MAST2: variants seen among roughly 807,000 people sequenced by gnomAD.
MAST2 encodes the protein microtubule associated serine/threonine kinase 2.
Under a neutral mutation model 147.4 loss-of-function variants are expected in MAST2, and 70 were observed. The ratio of observed to expected loss-of-function variants is 0.47; its 90% CI spans 0.39 to 0.58. The LOEUF is 0.58. MAST2 is among the 20% of genes least tolerant of loss of function. The pLI is 0.00. For synonymous variants in MAST2, 869 were observed against 896.8 expected (o/e 0.97, Z 0.55); for missense variants, 2,080 against 2,302.3 (o/e 0.90, Z 1.98).
intron 5 of MAST2, among the ~76,000 whole-genome samples, chr1:45,975,374 G>A (rs1445833570): frequency 6.6e-6 from 1 of 151,760 alleles, no homozygotes; most frequent in Non-Finnish European, 1.5e-5. Flanking sequence ...CAGCATTATA[G>A]TTGCCTGGAT....
In MAST2 at chr1:46,033,890, A is replaced by G. The variant is rs1031649120; in HGVS notation, c.3626A>G (p.Lys1209Arg). ...GPARKGSYKA[K>R]MARRSKRSRG... is the part of the protein sequence containing the mutation. ...GCTCGGAAGGGCAGCTACAAGGCCA[A>G]GATGGCCCGAAGGAGCAAGAGGAGC... The change falls in exon 27 of 29, where the codon AAG becomes AGG. Residue 1209 changes from lysine to arginine, a missense_variant. Lys to Arg is a conservative substitution (Grantham distance 26, BLOSUM62 2). This residue lies in a region of MAST2 where 1,278 missense variants were observed against 1,304.2 expected (regional missense o/e 0.98). Transcript: ENST00000361297. 2.5e-6 allele frequency: 4 copies of G among 1,614,106 alleles called. No individual in the cohort carries two copies. In the African/African-American group the frequency reaches 4.0e-5, roughly 16 times the overall value.
rs1026392016 is a variant in MAST2, at chr1:45,889,203, T to G, written c.500+6808T>G. Among the ~76,000 whole-genome samples the G allele has an allele frequency of 5.9e-5, 9 of 152,270 alleles. No homozygotes were observed. The East Asian group carries it at 1.5e-3, about 26-fold the overall frequency. ...TTTTTTGGTGAAATTTTTTTTTTTTTGAAACAGAATCTCACTTTGTCACCC... is the reference window on the plus strand; with the variant it reads ...TTTTTTGGTGAAATTTTTTTTTTTTGGAAACAGAATCTCACTTTGTCACCC... On this transcript the variant is annotated intron_variant, in intron 4 of 28. Coordinates refer to ENST00000361297, the MANE Select transcript of MAST2 (RefSeq NM_015112.3).
At chr1:45,999,921 C>T (rs1405350831) in intron 6 of MAST2, among the ~76,000 whole-genome samples, 1 of 152,112 alleles carries the variant, frequency 6.6e-6, no homozygotes, top group Non-Finnish European at 1.5e-5. Flanking sequence ...TGTGTCCTGG[C>T]GGGAAGACAA....
At chr1:45,981,790 T>C (rs1558000006) in intron 5 of MAST2, among the ~76,000 whole-genome samples, 1 of 152,124 alleles carries the variant, frequency 6.6e-6, no homozygotes, top group Non-Finnish European at 1.5e-5. Flanking sequence ...GCAAAGGCAG[T>C]TTCAAAATTA....
intron 5 of MAST2, among the ~76,000 whole-genome samples, chr1:45,970,352 A>G (rs111752300): frequency 2.6e-5 from 4 of 152,010 alleles, no homozygotes; most frequent in East Asian, 1.9e-4. Flanking sequence ...ACTGGTTGCT[A>G]TGGAGGTTTC....
chr1:45,965,067 C>T (rs2148947272), intron 5 of MAST2, among the ~76,000 whole-genome samples: 1 of 152,256 alleles, frequency 6.6e-6, no homozygotes, highest in Non-Finnish European at 1.5e-5. Context: ...AGTTTGATTG[C>T]ACTGTGGTGT....
intron 5 of MAST2, among the ~76,000 whole-genome samples, chr1:45,989,012 G>T (rs1184716617): frequency 6.6e-6 from 1 of 152,136 alleles, no homozygotes; most frequent in Non-Finnish European, 1.5e-5. Context: ...AGGAATGCTT[G>T]TTTCTACTGG....
At chr1:45,830,384 A>G (rs1372308467) in intron 3 of MAST2, among the ~76,000 whole-genome samples, 1 of 151,796 alleles carries the variant, frequency 6.6e-6, no homozygotes, top group Non-Finnish European at 1.5e-5. Context: ...CACGTTGGCC[A>G]GGCTGGTCTT....
intron 1 of MAST2, among the ~76,000 whole-genome samples, chr1:45,814,808 A>G (rs560919590): frequency 3.3e-5 from 5 of 152,142 alleles, no homozygotes; most frequent in Non-Finnish European, 7.4e-5. Context: ...AGAAAAAGCT[A>G]TCTTGACCTT....
At chr1:46,030,375 G>C in intron 21 of MAST2, 137 bp downstream of exon 21, 1 of 918,686 alleles carries the variant, frequency 1.1e-6, no homozygotes, top group Admixed American at 2.4e-5. Flanking sequence ...CTAAGGGTTG[G>C]GGCTACATAT....
chr1:45,997,837 G>A (rs1243513630), intron 6 of MAST2, 38 bp downstream of exon 6: 1 of 1,536,650 alleles, frequency 6.5e-7, no homozygotes, highest in Admixed American at 1.7e-5. Flanking sequence ...ACCAGCACAT[G>A]TGGCACTTGC....
At chr1:45,854,442 T>C (rs1371564501) in intron 3 of MAST2, among the ~76,000 whole-genome samples, 1 of 152,188 alleles carries the variant, frequency 6.6e-6, no homozygotes, top group Non-Finnish European at 1.5e-5. Context: ...CCACAATGTT[T>C]TGATTACTGC....
intron 4 of MAST2, among the ~76,000 whole-genome samples, chr1:45,887,787 A>G (rs1647160487): frequency 6.6e-6 from 1 of 152,130 alleles, no homozygotes; most frequent in African/African-American, 2.4e-5. Flanking sequence ...AAATCAGGAA[A>G]TTTTGCAATC....
chr1:45,825,315 G>A (rs868621661), intron 2 of MAST2, among the ~76,000 whole-genome samples: 4 of 151,820 alleles, frequency 2.6e-5, no homozygotes, highest in African/African-American at 9.7e-5. Flanking sequence ...GTGAGCCACC[G>A]CGCCCAGCCT....
chr1:45,966,584 T>G (rs1055927851), intron 5 of MAST2, among the ~76,000 whole-genome samples: 1 of 152,142 alleles, frequency 6.6e-6, no homozygotes, highest in African/African-American at 2.4e-5. Flanking sequence ...TAGCCAGACA[T>G]GGTGGTGTGC....
Position 45,821,515 on chromosome 1 carries a change from C to CT in MAST2, c.178-2895dup, listed in dbSNP as rs59159342. Among the ~76,000 whole-genome samples the CT allele has an allele frequency of 8.7e-3, 616 of 70,786 alleles. 12 individuals carry two copies. The highest frequency in any genetic ancestry group is 0.017 in the East Asian group (36 of 2,094). The allele number at this position is 70,786 out of a possible 152,430, so 46.4% of individuals were successfully genotyped here. ...GGGAAGTTTTGGTATGTTATTTCTT[C>CT]TTTTTTTTTTTTTTTTTTTTTTTGA... On this transcript the variant is annotated intron_variant, in intron 1 of 28. Transcript: ENST00000361297.
chr1:45,883,604 T>C (rs1646938426), intron 4 of MAST2, among the ~76,000 whole-genome samples: 1 of 152,184 alleles, frequency 6.6e-6, no homozygotes, highest in Non-Finnish European at 1.5e-5. Context: ...AAGGATCACT[T>C]AATATATGTA....
intron 4 of MAST2, among the ~76,000 whole-genome samples, chr1:45,905,232 A>G (rs1650487222): frequency 7.0e-6 from 1 of 143,540 alleles, no homozygotes; most frequent in Non-Finnish European, 1.5e-5. Context: ...GCTGGAATGC[A>G]GTGGCACCAT....
At chr1:46,008,795 C>T (rs769558387) in intron 9 of MAST2, among the ~76,000 whole-genome samples, 1 of 152,344 alleles carries the variant, frequency 6.6e-6, no homozygotes, top group Middle Eastern at 3.4e-3. Context: ...ATTTCTTAAG[C>T]AGCACCTCAT....
Sources: gnomAD v4.1 joint callset for allele counts (sites outside exome capture counted in the v4.1 genomes callset) on GRCh38, gnomAD v4.1.1 for gene constraint, gnomAD v4.1.1 regional missense constraint, MANE v1.5 for transcripts, NCBI Gene and HGNC (gene_info 2026-07-23, HGNC 2026-07-21) for gene names.